Variants in RBFOX1 observed in about 807,000 individuals in gnomAD.
RBFOX1 encodes the protein RNA binding fox-1 homolog 1.
Under a neutral mutation model 57.7 loss-of-function variants are expected in RBFOX1, and 8 were observed. That is an observed-to-expected ratio of 0.14 (90% CI 0.08 to 0.25). The LOEUF is 0.25. Ranked by LOEUF, RBFOX1 falls within the 10% of genes least tolerant of loss-of-function variation. The pLI is 1.00. For missense variants in RBFOX1, 611 were observed against 548.5 expected (o/e 1.11, Z -1.14); for synonymous variants, 326 against 222.4 (o/e 1.47, Z -4.15).
chr16:7,458,897 G>A (rs935788941), intron 4 of RBFOX1, among the ~76,000 whole-genome samples: 2 of 152,190 alleles, frequency 1.3e-5, no homozygotes, highest in Non-Finnish European at 2.9e-5. Context: ...TTCTGCACTA[G>A]CATGTAAGCT....
intron 4 of RBFOX1, among the ~76,000 whole-genome samples, chr16:5,914,966 C>A (rs1404492337): frequency 6.6e-6 from 1 of 152,152 alleles, no homozygotes; most frequent in East Asian, 1.9e-4. Context: ...GAACCCACAG[C>A]CTTTTTATCA....
At chr16:7,433,401 G>A (rs2098697604) in intron 4 of RBFOX1, among the ~76,000 whole-genome samples, 1 of 152,124 alleles carries the variant, frequency 6.6e-6, no homozygotes, top group African/African-American at 2.4e-5. Context: ...GACATGGCAT[G>A]GCCTTTGTTC....
rs570718051 is a variant in RBFOX1 at position 6,922,468 on chromosome 16, T to C, written c.-15-129589T>C. Among the ~76,000 whole-genome samples, 3 of 152,306 alleles carry C rather than the reference T, an allele frequency of 2.0e-5. No homozygotes were observed. The South Asian group carries it at 6.2e-4, about 32-fold the overall frequency. On this transcript the variant is annotated intron_variant, in intron 3 of 15. Coordinates refer to ENST00000550418, the MANE Select transcript of RBFOX1 (RefSeq NM_018723.4). Reference sequence around the variant, plus strand: ...TCTTGCCTCTTCCTGAATTTGTGGGTGGTTGCTAATCTTTTAGCTCATTTT... The same window carrying C: ...TCTTGCCTCTTCCTGAATTTGTGGGCGGTTGCTAATCTTTTAGCTCATTTT...
At chr16:7,706,793 A>C (rs1018833112) in intron 14 of RBFOX1, among the ~76,000 whole-genome samples, 2 of 152,214 alleles carry the variant, frequency 1.3e-5, no homozygotes, top group African/African-American at 4.8e-5. Flanking sequence ...TCCCTCATGA[A>C]ATAAAGAGCA....
intron 4 of RBFOX1, among the ~76,000 whole-genome samples, chr16:7,455,298 G>C (rs978639604): frequency 6.6e-6 from 1 of 152,046 alleles, no homozygotes; most frequent in African/African-American, 2.4e-5. Flanking sequence ...CCTATATTGA[G>C]AAGTTTCACG....
At chr16:6,247,031 T>A (rs903910524) in intron 1 of RBFOX1, among the ~76,000 whole-genome samples, 1 of 152,106 alleles carries the variant, frequency 6.6e-6, no homozygotes, top group Non-Finnish European at 1.5e-5. Flanking sequence ...GATTGCACCA[T>A]TTTACTCCAG....
In RBFOX1 at chr16:6,610,606, C is replaced by T. The variant is rs544712691; in HGVS notation, c.-63-43997C>T. On this transcript the variant is annotated intron_variant, in intron 2 of 15. Coordinates refer to ENST00000550418, the MANE Select transcript of RBFOX1 (RefSeq NM_018723.4). Reference sequence around the variant, plus strand: ...TAGCCTCCCGAAATGCTGGGATTACCGGTGTAAACTACTACACCCCACCCG... The same window carrying T: ...TAGCCTCCCGAAATGCTGGGATTACTGGTGTAAACTACTACACCCCACCCG... Among the ~76,000 whole-genome samples, 21 of 152,138 alleles carry T rather than the reference C, an allele frequency of 1.4e-4. 1 individual carries two copies. The South Asian group carries it at 1.5e-3, about 11-fold the overall frequency.
chr16:6,395,778 A>T (rs1428477894), intron 2 of RBFOX1, among the ~76,000 whole-genome samples: 1 of 152,136 alleles, frequency 6.6e-6, no homozygotes, highest in Non-Finnish European at 1.5e-5. Context: ...GTTTTTTAAC[A>T]TGAGGGCCTT....
At chr16:7,530,612 C>T (rs1456754910) in intron 5 of RBFOX1, among the ~76,000 whole-genome samples, 1 of 152,140 alleles carries the variant, frequency 6.6e-6, no homozygotes, top group African/African-American at 2.4e-5. Flanking sequence ...CTGCCAGCTC[C>T]AGTCCCAATC....
intron 14 of RBFOX1, among the ~76,000 whole-genome samples, chr16:7,705,192 A>G (rs994116015): frequency 6.6e-6 from 1 of 151,910 alleles, no homozygotes; most frequent in East Asian, 2.0e-4. Context: ...ATGGATTTGC[A>G]TGTGTGCAGG....
chr16:5,877,354 C>G (rs946076693), intron 4 of RBFOX1, among the ~76,000 whole-genome samples: 1 of 152,214 alleles, frequency 6.6e-6, no homozygotes, highest in Non-Finnish European at 1.5e-5. Flanking sequence ...AGCCTGTGAT[C>G]TATGAAAATA....
At chr16:7,364,811 C>T (rs1453972259) in intron 4 of RBFOX1, among the ~76,000 whole-genome samples, 1 of 152,072 alleles carries the variant, frequency 6.6e-6, no homozygotes, top group East Asian at 1.9e-4. Context: ...CTTTAGAGCT[C>T]CCATTGTGAG....
intron 3 of RBFOX1, among the ~76,000 whole-genome samples, chr16:6,746,893 T>A (rs1219675571): frequency 1.3e-5 from 2 of 152,136 alleles, no homozygotes; most frequent in Non-Finnish European, 2.9e-5. Flanking sequence ...AGAAACTCCA[T>A]CTCCTAGCAG....
chr16:7,707,059 TTTCACTGACAGA>T (rs1361696854), intron 14 of RBFOX1, among the ~76,000 whole-genome samples: 2 of 152,148 alleles, frequency 1.3e-5, no homozygotes, highest in Admixed American at 1.3e-4. Flanking sequence ...TGACTGTCAG[TTTCACTGACAGA>T]TTCACCTCAG....
chr16:7,029,289 T>C lies in RBFOX1; in HGVS notation c.-15-22768T>C, dbSNP rs529098711. ...ATACGTATACGTATATATATACACATATATATATACGTATATGTATATATA... is the reference window on the plus strand; with the variant it reads ...ATACGTATACGTATATATATACACACATATATATACGTATATGTATATATA... On this transcript the variant is annotated intron_variant, in intron 3 of 15. Coordinates refer to ENST00000550418, the MANE Select transcript of RBFOX1 (RefSeq NM_018723.4). Among the ~76,000 whole-genome samples the C allele has an allele frequency of 2.0e-4, 23 of 114,968 alleles. 1 individual carries two copies. The highest frequency in any genetic ancestry group is 5.5e-4 in the South Asian group (2 of 3,658). 75.4% of individuals were successfully genotyped at this position (114,968 alleles called of 152,430 possible). A position where few individuals can be genotyped will look rare whatever the true frequency, so the allele number is the denominator to read the frequency against.
chr16:5,536,392 G>A (rs1380477775), intron 2 of RBFOX1, among the ~76,000 whole-genome samples: 1 of 151,822 alleles, frequency 6.6e-6, no homozygotes, highest in East Asian at 1.9e-4. Context: ...CCGCCACCAT[G>A]CCCGGCTAAT....
intron 4 of RBFOX1, among the ~76,000 whole-genome samples, chr16:7,501,662 T>C (rs1183513315): frequency 1.3e-5 from 2 of 152,238 alleles, no homozygotes; most frequent in Non-Finnish European, 2.9e-5. Context: ...TCCTAACATT[T>C]AGCATTACAA....
At chr16:6,003,647 G>T (rs1282740104) in intron 4 of RBFOX1, among the ~76,000 whole-genome samples, 5 of 152,180 alleles carry the variant, frequency 3.3e-5, no homozygotes, top group Admixed American at 3.3e-4. Context: ...CTTTCCTATT[G>T]GGATCCTGCC....
chr16:6,415,958 G>A (rs2093613480), intron 2 of RBFOX1, among the ~76,000 whole-genome samples: 1 of 152,212 alleles, frequency 6.6e-6, no homozygotes, highest in African/African-American at 2.4e-5. Flanking sequence ...TTGTTTCCTT[G>A]TGCTTGTCAC....
Sources: allele counts gnomAD v4.1 joint callset (sites outside exome capture counted in the v4.1 genomes callset), GRCh38; gene constraint gnomAD v4.1.1; transcripts MANE v1.5; gene names NCBI Gene and HGNC (gene_info 2026-07-23, HGNC 2026-07-21).